The following RUNX1 variants were observed in gnomAD, a reference collection of about 807,000 sequenced individuals.
RUNX1 encodes the protein runt-related transcription factor 1.
In RUNX1, 19 loss-of-function variants were observed where a neutral mutation model predicts 42.8. That is an observed-to-expected ratio of 0.44 (90% CI 0.31 to 0.65). The LOEUF (loss-of-function observed/expected upper bound fraction) is 0.65, where lower values mean the gene tolerates loss of function less well. Among genes scored for constraint, RUNX1 ranks in the 30% least tolerant of loss-of-function variants. The pLI is 0.07. For synonymous variants in RUNX1, 271 were observed against 289.4 expected (o/e 0.94, Z 0.64); for missense variants, 528 against 672.0 (o/e 0.79, Z 2.37).
At chr21:34,799,904 C>T (rs920034873) in intron 7 of RUNX1, among the ~76,000 whole-genome samples, 10 of 152,038 alleles carry the variant, frequency 6.6e-5, no homozygotes, top group African/African-American at 2.4e-4. Flanking sequence ...TCGGTAAGAA[C>T]GTAGAGTTTT....
chr21:34,887,326 C>A (rs2058013239), intron 3 of RUNX1: 1 of 1,449,888 alleles, frequency 6.9e-7, no homozygotes, highest in East Asian at 2.5e-5. Context: ...TTCTGCGGAT[C>A]GGCCTCTGAC....
intron 7 of RUNX1, chr21:34,833,299 T>C (rs1223831757): frequency 2.0e-5 from 3 of 152,230 alleles, no homozygotes; most frequent in Non-Finnish European, 4.4e-5. Flanking sequence ...AGAGTTGGGG[T>C]TTCACCATGT....
rs2056420725 is a variant in RUNX1 at position 34,790,523 on chromosome 21, A to G, written c.*1612T>C. On this transcript the variant is annotated 3_prime_UTR_variant, in exon 9 of 9. Coordinates refer to ENST00000675419, the MANE Select transcript of RUNX1 (RefSeq NM_001754.5). ...ATTCTGACCAAATCCTCCAATAAAA[A>G]TAGTGCCATAAAATTTACAGCGACA... 2 of 233,548 alleles carry G rather than the reference A, an allele frequency of 8.6e-6. No individual in the cohort carries two copies. The highest frequency in any genetic ancestry group is 2.2e-5 in the African/African-American group (1 of 45,358). 14.5% of individuals were successfully genotyped at this position (233,548 alleles called of 1,614,324 possible). A position where few individuals can be genotyped will look rare whatever the true frequency, so the allele number is the denominator to read the frequency against.
At chr21:34,889,797 G>GCCCGGCGGGGCTCCCT in intron 3 of RUNX1, 1 of 1,129,236 alleles carries the variant, frequency 8.9e-7, no homozygotes, top group South Asian at 2.5e-5. Flanking sequence ...CTCCGACCCC[G>GCCCGGCGGGGCTCCCT]CCCGGCGGGG....
chr21:34,798,740 G>T lies in RUNX1; in HGVS notation c.967+561C>A, dbSNP rs567323921. On this transcript the variant is annotated intron_variant, in intron 8 of 8. Transcript: ENST00000675419. ...TAGGTATTACGAGTAATCTAGGGAT[G>T]ATTTAAATACATGGGAGGATATATA... Among the ~76,000 whole-genome samples the T allele has an allele frequency of 5.3e-5, 8 of 152,178 alleles. No individual in the cohort carries two copies. In the South Asian group the frequency reaches 1.5e-3, roughly 28 times the overall value.
intron 2 of RUNX1, among the ~76,000 whole-genome samples, 176 bp from the exon 3 acceptor site, chr21:34,893,139 T>C (rs1329246682): frequency 1.3e-5 from 2 of 152,156 alleles, no homozygotes; most frequent in Non-Finnish European, 2.9e-5. Context: ...AAATAAACTG[T>C]TCCTTATGCA....
chr21:34,863,689 G>C lies in RUNX1; in HGVS notation c.509-4111C>G, dbSNP rs1241769630. Among the ~76,000 whole-genome samples, 4 of 151,372 alleles carry C rather than the reference G, an allele frequency of 2.6e-5. No homozygotes were observed. In the East Asian group the frequency reaches 7.8e-4, roughly 30 times the overall value. On this transcript the variant is annotated intron_variant, in intron 5 of 8. Coordinates refer to ENST00000675419, the MANE Select transcript of RUNX1 (RefSeq NM_001754.5). ...CCTGCCTCAGCCTCCCGAGTAGCTG[G>C]GATTACATGTGCATACCACCACACC...
Position 34,901,567 on chromosome 21 carries a change from C to T in RUNX1, c.59-8604G>A, listed in dbSNP as rs951614221. Among the ~76,000 whole-genome samples, 2 of 151,976 alleles carry T rather than the reference C, an allele frequency of 1.3e-5. No individual in the cohort carries two copies. Among genetic ancestry groups the T allele is most frequent in the African/African-American group, 2.4e-5 (1 of 41,344 alleles). ...TACCAGTTTCTATCTGTTAGTCTTA[C>T]GGGTTGAAGACAGAGGTTAAGGGGC... On this transcript the variant is annotated intron_variant, in intron 2 of 8. Coordinates refer to ENST00000675419, the MANE Select transcript of RUNX1 (RefSeq NM_001754.5). This position sits in a 1 kb window ranked among gnomAD's most constrained non-coding sequence, Gnocchi z 4.3.
chr21:34,993,963 AT>A (rs2058973585), intron 2 of RUNX1, among the ~76,000 whole-genome samples: 1 of 152,116 alleles, frequency 6.6e-6, no homozygotes, highest in Non-Finnish European at 1.5e-5. Flanking sequence ...CTAAAAGCAG[AT>A]TTTTTCATAT....
At chr21:34,911,230 G>A (rs536876211) in intron 2 of RUNX1, among the ~76,000 whole-genome samples, 1 of 152,256 alleles carries the variant, frequency 6.6e-6, no homozygotes, top group South Asian at 2.1e-4. Flanking sequence ...AAGAGTAGGT[G>A]CTTAACAAAT....
intron 2 of RUNX1, among the ~76,000 whole-genome samples, chr21:35,021,896 A>T (rs187412502): frequency 6.6e-6 from 1 of 152,334 alleles, no homozygotes; most frequent in Non-Finnish European, 1.5e-5. Context: ...CATAAGGCGG[A>T]AGAAGGCAGA....
At chr21:34,930,289 T>TATATATATATATATATAA (rs1555906453) in intron 2 of RUNX1, among the ~76,000 whole-genome samples, 37 of 137,322 alleles carry the variant, frequency 2.7e-4, no homozygotes, top group African/African-American at 1.1e-3. Context: ...TATATATATA[T>TATATATATATATATATAA]ATAAATAAAT....
chr21:34,999,383 A>G (rs1348810216), intron 2 of RUNX1, among the ~76,000 whole-genome samples: 1 of 152,216 alleles, frequency 6.6e-6, no homozygotes, highest in Non-Finnish European at 1.5e-5. Context: ...TATAGGTGAC[A>G]AAACCAAGAT....
At chr21:34,974,613 G>A (rs1490677409) in intron 2 of RUNX1, among the ~76,000 whole-genome samples, 1 of 152,202 alleles carries the variant, frequency 6.6e-6, no homozygotes, top group Non-Finnish European at 1.5e-5. Flanking sequence ...GACATGAAAT[G>A]TGGTGTAGAT....
intron 6 of RUNX1, among the ~76,000 whole-genome samples, chr21:34,850,007 G>A (rs992566592): frequency 2.7e-5 from 4 of 150,924 alleles, no homozygotes; most frequent in Non-Finnish European, 5.9e-5. Flanking sequence ...GCCTTTCCTA[G>A]TTACATGGCT....
intron 2 of RUNX1, among the ~76,000 whole-genome samples, chr21:34,980,124 A>AT (rs1410645106): frequency 2.0e-5 from 3 of 152,264 alleles, no homozygotes; most frequent in African/African-American, 7.2e-5. Context: ...AAGATCTGCT[A>AT]TTATTACTTT....
intron 6 of RUNX1, 141 bp from the exon 7 acceptor site, chr21:34,834,742 G>A (rs1258478821): frequency 4.0e-6 from 3 of 749,156 alleles, no homozygotes; most frequent in Non-Finnish European, 6.6e-6. Flanking sequence ...ACATAGACTC[G>A]CTAGAGATAT....
intron 2 of RUNX1, among the ~76,000 whole-genome samples, chr21:34,994,945 G>A (rs1015696171): frequency 3.3e-5 from 5 of 152,214 alleles, no homozygotes; most frequent in Admixed American, 6.5e-5. Flanking sequence ...GAACCGCAAC[G>A]CCATTGCAGG....
chr21:34,971,754 G>A (rs115964009), intron 2 of RUNX1, among the ~76,000 whole-genome samples: 3,155 of 152,298 alleles, frequency 0.021, 112 homozygotes, highest in African/African-American at 0.072. Flanking sequence ...CGGCAGCTCA[G>A]AGGGGACAGA....
Sources: allele counts gnomAD v4.1 joint callset (sites outside exome capture counted in the v4.1 genomes callset), GRCh38; gene constraint gnomAD v4.1.1; non-coding constraint Gnocchi (gnomAD v3.1); transcripts MANE v1.5; gene names NCBI Gene and HGNC (gene_info 2026-07-23, HGNC 2026-07-21).